Variants in LUZP2 observed in about 807,000 individuals in gnomAD.
LUZP2 encodes leucine zipper protein 2.
Under a neutral mutation model 51.6 loss-of-function variants are expected in LUZP2, and 52 were observed. The ratio of observed to expected loss-of-function variants is 1.01; its 90% CI spans 0.81 to 1.27. The LOEUF (loss-of-function observed/expected upper bound fraction) is 1.27, where lower values mean the gene tolerates loss of function less well. Among genes scored for constraint, LUZP2 ranks in the 50% most tolerant of loss-of-function variants. The probability of loss-of-function intolerance (pLI) is 0.00; values close to 1 mark genes in which losing one functional copy is unlikely to be tolerated. For missense variants in LUZP2, 436 were observed against 395.4 expected, an observed-to-expected ratio of 1.10 and a Z score of -0.87; for synonymous variants, 154 against 137.3, an observed-to-expected ratio of 1.12 and a Z score of -0.85.
chr11:24,964,545 C>T (rs531788460), intron 7 of LUZP2, among the ~76,000 whole-genome samples: 4 of 152,178 alleles, frequency 2.6e-5, no homozygotes, highest in Admixed American at 6.5e-5. Context: ...GTATATTGAG[C>T]TGATAATATC....
chr11:24,570,781 T>C (rs1215014666), intron 1 of LUZP2, among the ~76,000 whole-genome samples: 1 of 151,966 alleles, frequency 6.6e-6, no homozygotes, highest in Admixed American at 6.6e-5. Context: ...AGCCAAGAGG[T>C]GGAGTTCTAA....
intron 1 of LUZP2, among the ~76,000 whole-genome samples, chr11:24,529,951 A>C (rs1480627019): frequency 6.6e-6 from 1 of 150,964 alleles, no homozygotes; most frequent in Non-Finnish European, 1.5e-5. Flanking sequence ...CAGAGAAGAC[A>C]AATCTGAGGT....
At chr11:24,961,714 G>T (rs1291632359) in intron 7 of LUZP2, among the ~76,000 whole-genome samples, 1 of 152,028 alleles carries the variant, frequency 6.6e-6, no homozygotes, top group African/African-American at 2.4e-5. Context: ...TTGCCTGTCT[G>T]TGTCTTTTAA....
At chr11:25,003,996 G>A (rs962581899) in intron 9 of LUZP2, among the ~76,000 whole-genome samples, 4 of 152,196 alleles carry the variant, frequency 2.6e-5, no homozygotes, top group Admixed American at 2.0e-4. Context: ...GGACCTTGAA[G>A]ACAGTTGTCC....
intron 5 of LUZP2, among the ~76,000 whole-genome samples, chr11:24,836,064 A>C (rs1850852002): frequency 6.6e-6 from 1 of 152,006 alleles, no homozygotes; most frequent in African/African-American, 2.4e-5. Context: ...ATGGAGTTAA[A>C]GTGAGAAGAA....
chr11:25,044,626 T>C (rs570536280), intron 9 of LUZP2, among the ~76,000 whole-genome samples: 1 of 152,226 alleles, frequency 6.6e-6, no homozygotes, highest in South Asian at 2.1e-4. Flanking sequence ...TGTAAACTAG[T>C]TCAACCATTG....
chr11:25,031,946 AGAAATAATACCCTAGATTTTCT>A (rs1857701315), intron 9 of LUZP2, among the ~76,000 whole-genome samples: 1 of 152,170 alleles, frequency 6.6e-6, no homozygotes, highest in Admixed American at 6.6e-5. Context: ...ATTTTAAAGT[AGAAATAATACCCTAGATTTTCT>A]GAATGGACCC....
intron 8 of LUZP2, 64 bp downstream of exon 8, chr11:24,976,729 A>G: frequency 3.0e-6 from 2 of 664,432 alleles, no homozygotes; most frequent in Non-Finnish European, 4.6e-6. Context: ...AAAAAAAAAA[A>G]AGTTAAAGTA....
At chr11:24,711,420 A>G (rs921616836) in intron 1 of LUZP2, among the ~76,000 whole-genome samples, 1 of 151,980 alleles carries the variant, frequency 6.6e-6, no homozygotes, top group Non-Finnish European at 1.5e-5. Flanking sequence ...ACTGCACTCC[A>G]GCCTGGGCGA....
chr11:24,755,873 G>A (rs1002129373), intron 4 of LUZP2, among the ~76,000 whole-genome samples: 2 of 152,050 alleles, frequency 1.3e-5, no homozygotes, highest in African/African-American at 4.8e-5. Context: ...TTTTGAAATG[G>A]CTCTTTTTAT....
chr11:24,714,544 C>T (rs1337757813), intron 1 of LUZP2, among the ~76,000 whole-genome samples: 1 of 152,016 alleles, frequency 6.6e-6, no homozygotes, highest in Non-Finnish European at 1.5e-5. Flanking sequence ...GCTTTGTTTT[C>T]TGAAATGCTT....
Position 24,930,666 on chromosome 11 carries a change from C to G in LUZP2, c.522+16128C>G, listed in dbSNP as rs114177294. Among the ~76,000 whole-genome samples the G allele has an allele frequency of 3.2e-3, 485 of 152,244 alleles. 3 individuals are homozygous for G. Among genetic ancestry groups the G allele is most frequent in the African/African-American group, 0.011 (447 of 41,558 alleles). ...TCATAGCTCCTGAAATACTTTCCTTCATCTCGACTTTAGATAACCTGATGA... is the reference window on the plus strand; with the variant it reads ...TCATAGCTCCTGAAATACTTTCCTTGATCTCGACTTTAGATAACCTGATGA... On this transcript the variant is annotated intron_variant, in intron 7 of 11. Transcript: ENST00000336930.
At chr11:24,995,319 G>T (rs565460659) in intron 9 of LUZP2, among the ~76,000 whole-genome samples, 3 of 152,220 alleles carry the variant, frequency 2.0e-5, no homozygotes, top group East Asian at 1.9e-4. Context: ...CTTCAGCAAG[G>T]GGGGCAGAGA....
At chr11:24,934,698 A>G (rs1854543628) in intron 7 of LUZP2, among the ~76,000 whole-genome samples, 2 of 152,134 alleles carry the variant, frequency 1.3e-5, no homozygotes, top group African/African-American at 4.8e-5. Flanking sequence ...TTATGAATAT[A>G]TTTGTGTTTC....
intron 7 of LUZP2, among the ~76,000 whole-genome samples, chr11:24,954,729 A>G (rs926066460): frequency 6.6e-6 from 1 of 152,074 alleles, no homozygotes; most frequent in African/African-American, 2.4e-5. Flanking sequence ...GTAACATTCT[A>G]TTGGTGTACA....
chr11:24,985,722 A>G (rs1856169804), intron 9 of LUZP2, among the ~76,000 whole-genome samples: 1 of 151,746 alleles, frequency 6.6e-6, no homozygotes, highest in South Asian at 2.1e-4. Context: ...AGGGAAGCCA[A>G]ACTGGTTTGT....
At chr11:24,905,845 T>A (rs1853435236) in intron 5 of LUZP2, 146 bp from the exon 6 acceptor site, 1 of 471,806 alleles carries the variant, frequency 2.1e-6, no homozygotes, top group African/African-American at 2.0e-5. Flanking sequence ...TTTACAGATT[T>A]GATTCAGTTT....
intron 5 of LUZP2, among the ~76,000 whole-genome samples, chr11:24,836,179 A>G (rs1850855187): frequency 6.6e-6 from 1 of 151,970 alleles, no homozygotes; most frequent in Admixed American, 6.6e-5. Context: ...GGTGATAACA[A>G]TAACAGCAAC....
At chr11:24,704,146 G>A (rs774822646) in intron 1 of LUZP2, among the ~76,000 whole-genome samples, 13 of 152,176 alleles carry the variant, frequency 8.5e-5, no homozygotes, top group Middle Eastern at 3.4e-3. Context: ...ACGTTAACAC[G>A]GGAATATTAG....
Sources: gnomAD v4.1 joint callset for allele counts (sites outside exome capture counted in the v4.1 genomes callset) on GRCh38, gnomAD v4.1.1 for gene constraint, MANE v1.5 for transcripts, NCBI Gene and HGNC (gene_info 2026-07-23, HGNC 2026-07-21) for gene names.